Variants in LRRC7 observed in about 807,000 individuals in gnomAD.
LRRC7 encodes leucine-rich repeat-containing protein 7.
Under a neutral mutation model 175.7 loss-of-function variants are expected in LRRC7, and 23 were observed. The ratio of observed to expected loss-of-function variants is 0.13; its 90% CI spans 0.09 to 0.19. The LOEUF (loss-of-function observed/expected upper bound fraction) is 0.19, where lower values mean the gene tolerates loss of function less well. Ranked by LOEUF, LRRC7 falls within the 10% of genes least tolerant of loss-of-function variation. The probability of loss-of-function intolerance (pLI) is 1.00; values close to 1 mark genes in which losing one functional copy is unlikely to be tolerated. For synonymous variants in LRRC7, 685 were observed against 680.9 expected, an observed-to-expected ratio of 1.01 and a Z score of -0.09; for missense variants, 1,354 against 1,904.7, an observed-to-expected ratio of 0.71 and a Z score of 5.38.
In LRRC7 at chr1:70,124,717, T is replaced by C. The variant is rs1263223668; in HGVS notation, c.*2830T>C. 6.6e-6 allele frequency among the ~76,000 whole-genome samples: 1 copy of C among 151,562 alleles called. No homozygotes were observed. The highest frequency in any genetic ancestry group is 1.5e-5 in the Non-Finnish European group (1 of 67,932). On this transcript the variant is annotated 3_prime_UTR_variant, in exon 27 of 27. Coordinates refer to ENST00000651989, the MANE Select transcript of LRRC7 (RefSeq NM_001370785.2). ...TTTGCTGCCTGAAATTAGAATCTGG[T>C]TATTTTAACAATAAAAAAAAGTCAA...
chr1:70,032,107 A>G (rs1185041973), intron 18 of LRRC7, among the ~76,000 whole-genome samples: 1 of 152,154 alleles, frequency 6.6e-6, no homozygotes, highest in Non-Finnish European at 1.5e-5. Context: ...AAGGATTTTC[A>G]TCAAAAAGAA....
At chr1:69,781,733 AAGAGAGAGAGAG>A (rs755676231) in intron 3 of LRRC7, among the ~76,000 whole-genome samples, 3 of 23,540 alleles carry the variant, frequency 1.3e-4, no homozygotes, top group East Asian at 1.9e-3. Context: ...GAAAGAAAGA[AAGAGAGAGAGAG>A]AGAGAGAGAG....
intron 7 of LRRC7, among the ~76,000 whole-genome samples, chr1:69,924,436 C>G (rs1212785262): frequency 6.6e-6 from 1 of 152,218 alleles, no homozygotes; most frequent in African/African-American, 2.4e-5. Context: ...TACCCATGAG[C>G]ATAGAATGTT....
At chr1:69,935,840 G>GT (rs1222592128) in intron 8 of LRRC7, among the ~76,000 whole-genome samples, 1 of 152,122 alleles carries the variant, frequency 6.6e-6, no homozygotes, top group African/African-American at 2.4e-5. Context: ...AAAATGTATA[G>GT]TTTTTTGTGG....
intron 7 of LRRC7, among the ~76,000 whole-genome samples, chr1:69,853,575 C>T (rs549619293): frequency 6.6e-6 from 1 of 152,044 alleles, no homozygotes; most frequent in Non-Finnish European, 1.5e-5. Flanking sequence ...CCGCACCCTG[C>T]CCATTTGTTC....
At chr1:69,817,593 A>T (rs1175423606) in intron 4 of LRRC7, among the ~76,000 whole-genome samples, 3 of 152,078 alleles carry the variant, frequency 2.0e-5, no homozygotes, top group African/African-American at 2.4e-5. Context: ...TCTTGCTCAA[A>T]ATTACTTTAG....
intron 1 of LRRC7, among the ~76,000 whole-genome samples, chr1:69,653,568 G>A (rs1656180313): frequency 1.3e-5 from 2 of 152,010 alleles, no homozygotes; most frequent in South Asian, 2.1e-4. Context: ...TGTAAAATGT[G>A]CAGCCACTGT....
At chr1:69,622,728 TAATC>T (rs1650829089) in intron 1 of LRRC7, among the ~76,000 whole-genome samples, 1 of 152,184 alleles carries the variant, frequency 6.6e-6, no homozygotes, top group Admixed American at 6.5e-5. Flanking sequence ...AACAGTGCTC[TAATC>T]ATATGTGTTG....
intron 26 of LRRC7, among the ~76,000 whole-genome samples, chr1:70,111,026 A>C (rs907170028): frequency 6.6e-6 from 1 of 152,204 alleles, no homozygotes; most frequent in Non-Finnish European, 1.5e-5. Flanking sequence ...CTTAATGGCA[A>C]TGTTCAACCT....
In LRRC7 at chr1:70,033,441, G is replaced by A. The variant is rs918490006; in HGVS notation, c.1996-2680G>A. On this transcript the variant is annotated intron_variant, in intron 18 of 26. Transcript: ENST00000651989. The stretch of plus-strand genomic sequence containing the variant: ...ATTTATGGCCATTATCATCATTGTC[G>A]TCATTATCATCATTGTCATCATCAT... 6.6e-5 allele frequency among the ~76,000 whole-genome samples: 10 copies of A among 152,206 alleles called. No individual in the cohort carries two copies. The East Asian group carries it at 7.7e-4, about 12-fold the overall frequency.
intron 5 of LRRC7, among the ~76,000 whole-genome samples, chr1:69,830,955 A>C (rs1680461931): frequency 6.6e-6 from 1 of 151,936 alleles, no homozygotes; most frequent in Admixed American, 6.6e-5. Context: ...ACTCTGAAAC[A>C]AAATGTTCTA....
Position 70,038,669 on chromosome 1 carries a change from C to A in LRRC7, c.2845C>A (p.Gln949Lys). ...CAGGAGTCTTAGTAATGTCTTTTCT[C>A]AAATCCACTGCCGCCCGGAATCTTC... ...PNRSLSNVFS[Q>K]IHCRPESSKG... The change falls in exon 21 of 27, where the codon CAA (glutamine) becomes AAA (lysine). Residue 949 changes from glutamine to lysine, a missense_variant. Physicochemically the swap from Gln to Lys is moderately conservative, Grantham distance 53 (BLOSUM62 1). This residue lies in a region of LRRC7 where 1,032 missense variants were observed against 1,227.2 expected (regional missense o/e 0.84). Coordinates refer to ENST00000651989, the MANE Select transcript of LRRC7 (RefSeq NM_001370785.2). 6.2e-7 allele frequency: 1 copy of A among 1,614,128 alleles called. No individual in the cohort carries two copies. The highest frequency in any genetic ancestry group is 8.5e-7 in the Non-Finnish European group (1 of 1,180,014).
At chr1:70,108,835 G>C (rs1665320803) in intron 26 of LRRC7, among the ~76,000 whole-genome samples, 1 of 152,144 alleles carries the variant, frequency 6.6e-6, no homozygotes, top group African/African-American at 2.4e-5. Context: ...AAAAATGCAA[G>C]GATCCCCTCA....
At chr1:69,824,086 T>C (rs1016508894) in intron 4 of LRRC7, among the ~76,000 whole-genome samples, 3 of 152,206 alleles carry the variant, frequency 2.0e-5, no homozygotes, top group Non-Finnish European at 4.4e-5. Context: ...AGACGTCATC[T>C]TTTTCTTAAA....
intron 2 of LRRC7, among the ~76,000 whole-genome samples, chr1:69,689,631 T>C (rs936769338): frequency 2.6e-5 from 4 of 152,162 alleles, no homozygotes; most frequent in Non-Finnish European, 5.9e-5. Flanking sequence ...ATTGCTTAGG[T>C]TCATCATTAA....
At chr1:69,958,961 A>G (rs916420427) in intron 8 of LRRC7, among the ~76,000 whole-genome samples, 5 of 152,030 alleles carry the variant, frequency 3.3e-5, no homozygotes, top group Non-Finnish European at 7.4e-5. Flanking sequence ...AAATCTATCT[A>G]TTATTGTTTG....
At chr1:70,042,626 A>G (rs1660007331) in intron 21 of LRRC7, among the ~76,000 whole-genome samples, 1 of 152,214 alleles carries the variant, frequency 6.6e-6, no homozygotes, top group Non-Finnish European at 1.5e-5. Flanking sequence ...TATGACAGGG[A>G]ATTTAAAACA....
chr1:69,739,797 A>G (rs1291986734), intron 2 of LRRC7, among the ~76,000 whole-genome samples: 1 of 152,096 alleles, frequency 6.6e-6, no homozygotes, highest in Non-Finnish European at 1.5e-5. Context: ...TTTGTGTACA[A>G]TGGTAGCTAC....
At chr1:69,762,108 A>T (rs988513748) in intron 3 of LRRC7, among the ~76,000 whole-genome samples, 3 of 151,956 alleles carry the variant, frequency 2.0e-5, no homozygotes, top group African/African-American at 4.8e-5. Context: ...TATTTACATG[A>T]TGTTCAAATT....
Sources: allele counts gnomAD v4.1 joint callset (sites outside exome capture counted in the v4.1 genomes callset), GRCh38; gene constraint gnomAD v4.1.1; regional missense constraint gnomAD v4.1.1; transcripts MANE v1.5; gene names NCBI Gene and HGNC (gene_info 2026-07-23, HGNC 2026-07-21).